The following FHIP1A variants were observed in gnomAD, a reference collection of about 807,000 sequenced individuals.
The protein encoded by FHIP1A is FHF complex subunit HOOK interacting protein 1A.
Under a neutral mutation model 88.6 loss-of-function variants are expected in FHIP1A, and 61 were observed. The ratio of observed to expected loss-of-function variants is 0.69; its 90% CI spans 0.56 to 0.85. FHIP1A has a LOEUF of 0.85. Ranked by LOEUF, FHIP1A falls within the 40% of genes least tolerant of loss-of-function variation. The pLI, the probability that FHIP1A is intolerant of heterozygous loss-of-function variation, is 0.00. For synonymous variants in FHIP1A, 478 were observed against 496.0 expected (o/e 0.96, Z 0.48); for missense variants, 1,154 against 1,273.5 (o/e 0.91, Z 1.43).
Position 151,586,765 on chromosome 4 carries a change from T to C in FHIP1A, c.857T>C (p.Met286Thr). Reference sequence around the variant, plus strand: ...CTACTTCCTTCTCTTGTCCAGTTCATGAACTCCCTGGAGTTTTGCAATGCA... The same window carrying C: ...CTACTTCCTTCTCTTGTCCAGTTCACGAACTCCCTGGAGTTTTGCAATGCA... ...WLLLPSLVQF[M>T]NSLEFCNAVI... Residue 286 changes from methionine to threonine, a missense_variant, in exon 6 of 14, where the codon ATG becomes ACG. By Grantham distance (81) the Met-to-Thr change is moderately conservative (BLOSUM62 -1). Transcript: ENST00000435205. 1 of 1,551,234 alleles carries C rather than the reference T, an allele frequency of 6.4e-7. No homozygotes were observed. The highest frequency in any genetic ancestry group is 8.7e-7 in the Non-Finnish European group (1 of 1,146,616).
chr4:151,649,076 A>G (rs1275273772), intron 10 of FHIP1A, among the ~76,000 whole-genome samples: 1 of 152,170 alleles, frequency 6.6e-6, no homozygotes, highest in African/African-American at 2.4e-5. Context: ...TTTAGATTCA[A>G]AGTAAAAAAC....
intron 8 of FHIP1A, among the ~76,000 whole-genome samples, chr4:151,634,747 TTAACTC>T (rs1205341767): frequency 6.6e-6 from 1 of 151,754 alleles, no homozygotes. Context: ...TATAAAAAAA[TTAACTC>T]AAAATGTATC....
intron 1 of FHIP1A, among the ~76,000 whole-genome samples, chr4:151,422,222 A>T (rs961678947): frequency 7.4e-5 from 9 of 121,354 alleles, no homozygotes; most frequent in African/African-American, 2.7e-4. Flanking sequence ...AGACATTAAA[A>T]AAATATATAT....
At chr4:151,553,142 C>G (rs1038698196) in intron 3 of FHIP1A, among the ~76,000 whole-genome samples, 2 of 152,130 alleles carry the variant, frequency 1.3e-5, no homozygotes, top group African/African-American at 4.8e-5. Context: ...CAGAAATTTT[C>G]TAAAGCCAGG....
In FHIP1A at chr4:151,649,999, C is replaced by T. The variant is rs1443188785; in HGVS notation, c.1958C>T (p.Ser653Phe). 1 of 1,551,538 alleles carries T rather than the reference C, an allele frequency of 6.4e-7. No homozygotes were observed. Among genetic ancestry groups the T allele is most frequent in the Non-Finnish European group, 8.7e-7 (1 of 1,146,996 alleles). ...MVYRLCAEKD[S>F]EDMKDSQEEA... is the part of the protein sequence containing the mutation. The stretch of plus-strand genomic sequence containing the variant: ...TACAGGCTGTGTGCTGAGAAGGACT[C>T]CGAGGACATGAAGGATTCTCAGGAG... The change falls in exon 11 of 14, where the codon TCC becomes TTC. Residue 653 changes from serine (S) to phenylalanine (F), a missense_variant. Physicochemically the swap from Ser to Phe is radical, Grantham distance 155. Transcript: ENST00000435205.
intron 7 of FHIP1A, among the ~76,000 whole-genome samples, chr4:151,617,156 A>G (rs1240527339): frequency 6.6e-6 from 1 of 152,172 alleles, no homozygotes; most frequent in Non-Finnish European, 1.5e-5. Context: ...TTCCTGGAGA[A>G]GAATTATATG....
intron 3 of FHIP1A, among the ~76,000 whole-genome samples, chr4:151,492,124 G>C (rs1730304182): frequency 6.7e-6 from 1 of 149,866 alleles, no homozygotes; most frequent in South Asian, 2.1e-4. Flanking sequence ...AAAAACAGTG[G>C]TCTTAAACTA....
intron 2 of FHIP1A, among the ~76,000 whole-genome samples, chr4:151,468,943 A>G (rs912601692): frequency 4.6e-5 from 7 of 152,196 alleles, no homozygotes; most frequent in African/African-American, 9.6e-5. Context: ...GCAGTTATTC[A>G]GTATCCTGCA....
At chr4:151,430,251 A>G (rs907032101) in intron 1 of FHIP1A, among the ~76,000 whole-genome samples, 2 of 152,230 alleles carry the variant, frequency 1.3e-5, no homozygotes, top group Non-Finnish European at 2.9e-5. Context: ...CATGGTCGAA[A>G]TAAATCTTGC....
chr4:151,628,666 C>T (rs1207103049), intron 7 of FHIP1A, among the ~76,000 whole-genome samples: 1 of 152,062 alleles, frequency 6.6e-6, no homozygotes, highest in Non-Finnish European at 1.5e-5. Context: ...TGTTTAAAAT[C>T]GAGTGCATTT....
chr4:151,485,282 G>GTTTTTTTTTTTTTTTTTTT (rs74327398), intron 3 of FHIP1A, among the ~76,000 whole-genome samples: 11 of 118,726 alleles, frequency 9.3e-5, no homozygotes, highest in African/African-American at 1.7e-4. Context: ...ATCTTTTCCA[G>GTTTTTTTTTTTTTTTTTTT]TTTTTTTTTT....
At chr4:151,420,384 GT>G (rs1561487392) in intron 1 of FHIP1A, among the ~76,000 whole-genome samples, 1 of 35,608 alleles carries the variant, frequency 2.8e-5, no homozygotes, top group Non-Finnish European at 7.1e-5. Context: ...CTGCATAAAT[GT>G]CTTCTTTTGA....
At chr4:151,558,263 C>T (rs1733031340) in intron 3 of FHIP1A, among the ~76,000 whole-genome samples, 5 of 152,218 alleles carry the variant, frequency 3.3e-5, no homozygotes, top group South Asian at 4.2e-4. Context: ...TAGCCAGGTG[C>T]AGTGGCACAT....
chr4:151,621,273 G>A (rs899749517), intron 7 of FHIP1A, among the ~76,000 whole-genome samples: 23 of 152,226 alleles, frequency 1.5e-4, no homozygotes, highest in South Asian at 4.1e-4. Context: ...TCCAGTGCCA[G>A]ATGATGTGCA....
chr4:151,515,162 A>G (rs943926832), intron 3 of FHIP1A, among the ~76,000 whole-genome samples: 3 of 152,194 alleles, frequency 2.0e-5, no homozygotes, highest in Non-Finnish European at 2.9e-5. Context: ...ATGCAAATCA[A>G]TAAATGTAAT....
At chr4:151,512,889 T>C (rs1262430125) in intron 3 of FHIP1A, among the ~76,000 whole-genome samples, 4 of 152,174 alleles carry the variant, frequency 2.6e-5, no homozygotes, top group Admixed American at 6.6e-5. Flanking sequence ...CAGGATATTA[T>C]CCAGGAGAGC....
chr4:151,472,746 T>A (rs4569735), intron 2 of FHIP1A, among the ~76,000 whole-genome samples: 57,824 of 151,674 alleles, frequency 0.38, 11,275 homozygotes, highest in Non-Finnish European at 0.43. Context: ...CCTTCCAACA[T>A]TCAAAAGGCA....
chr4:151,539,562 TAAAAA>T (rs1215200409), intron 3 of FHIP1A, among the ~76,000 whole-genome samples: 5 of 102,550 alleles, frequency 4.9e-5, no homozygotes, highest in Non-Finnish European at 7.6e-5. Flanking sequence ...AGACTCTGTC[TAAAAA>T]AAAAAAAAAA....
chr4:151,627,522 A>G (rs1008193515), intron 7 of FHIP1A, among the ~76,000 whole-genome samples: 2 of 152,254 alleles, frequency 1.3e-5, no homozygotes, highest in Non-Finnish European at 2.9e-5. Flanking sequence ...TGTGTTACAG[A>G]AACTACATAC....
Sources: allele counts gnomAD v4.1 joint callset (sites outside exome capture counted in the v4.1 genomes callset), GRCh38; gene constraint gnomAD v4.1.1; transcripts MANE v1.5; gene names NCBI Gene and HGNC (gene_info 2026-07-23, HGNC 2026-07-21).